Variants in ARHGAP22 observed in about 807,000 individuals in gnomAD.
ARHGAP22 encodes rho GTPase-activating protein 22.
Under a neutral mutation model 59.1 loss-of-function variants are expected in ARHGAP22, and 48 were observed. The ratio of observed to expected loss-of-function variants is 0.81; its 90% CI spans 0.64 to 1.03. The LOEUF is 1.03. Among genes scored for constraint, ARHGAP22 ranks in the 50% least tolerant of loss-of-function variants. The pLI is 0.00. For missense variants in ARHGAP22, 1,015 were observed against 958.7 expected, an observed-to-expected ratio of 1.06 and a Z score of -0.78; for synonymous variants, 445 against 416.4, an observed-to-expected ratio of 1.07 and a Z score of -0.84.
rs574328508 is a variant in ARHGAP22 at position 48,496,295 on chromosome 10, C to T, written c.323-16531G>A. Among the ~76,000 whole-genome samples, 3 of 152,234 alleles carry T rather than the reference C, an allele frequency of 2.0e-5. No homozygotes were observed. The South Asian group carries it at 6.2e-4, about 32-fold the overall frequency. On this transcript the variant is annotated intron_variant, in intron 3 of 9. Transcript: ENST00000249601. ...TGGTGGTATGAGGATATACAATCCT[C>T]ACATCTCTTCCTGTACCAATAAAGA...
chr10:48,431,162 A>G, the ARHGAP22 span: 2 of 1,471,630 alleles, frequency 1.4e-6, no homozygotes, highest in Admixed American at 3.4e-5. Flanking sequence ...TTAGACTTTG[A>G]AAAGTTCATT....
chr10:48,562,572 A>G (rs1016974748), intron 2 of ARHGAP22, among the ~76,000 whole-genome samples: 2 of 152,222 alleles, frequency 1.3e-5, no homozygotes, highest in Non-Finnish European at 1.5e-5. Context: ...TTCCATTTCT[A>G]TAAAAGTGTA....
chr10:48,459,848 C>T lies in ARHGAP22; in HGVS notation c.495G>A (p.Arg165=). The change falls in exon 5 of 10, where the codon CGG becomes CGA. Residue 165 remains arginine, a synonymous_variant. Coordinates refer to ENST00000249601, the MANE Select transcript of ARHGAP22 (RefSeq NM_021226.4). ...GGGGCGCCAGGCGGGGGCCATACTT[C>T]CGCTCGTGGTGGACTGTTTCCTCTA... The part of the protein sequence containing the change: ...QRLEETVHHE[R]KYGPRLAPLL... 3 of 1,613,346 alleles carry T rather than the reference C, an allele frequency of 1.9e-6. No individual in the cohort carries two copies. The highest frequency in any genetic ancestry group is 1.7e-6 in the Non-Finnish European group (2 of 1,180,040).
intron 3 of ARHGAP22, among the ~76,000 whole-genome samples, chr10:48,517,758 G>A (rs373303150): frequency 5.3e-5 from 8 of 152,186 alleles, no homozygotes; most frequent in Non-Finnish European, 1.2e-4. Context: ...GGGACTTCTC[G>A]TGTCCTGTTG....
upstream of ARHGAP22, among the ~76,000 whole-genome samples, chr10:48,608,972 T>C (rs372896686): frequency 6.6e-6 from 1 of 152,332 alleles, no homozygotes; most frequent in South Asian, 2.1e-4. Flanking sequence ...ATATACTGGG[T>C]TGCTGCCATG....
chr10:48,500,268 C>T (rs1479690972), intron 3 of ARHGAP22, among the ~76,000 whole-genome samples: 1 of 152,136 alleles, frequency 6.6e-6, no homozygotes, highest in Non-Finnish European at 1.5e-5. Flanking sequence ...AACTTGACCT[C>T]AGCAGAGCAA....
chr10:48,587,591 T>C (rs10491035), intron 1 of ARHGAP22, among the ~76,000 whole-genome samples: 69,140 of 152,038 alleles, frequency 0.45, 16,970 homozygotes, highest in East Asian at 0.97. Flanking sequence ...CCACTGTCTA[T>C]TCTTGAATTC....
intron 3 of ARHGAP22, among the ~76,000 whole-genome samples, chr10:48,550,615 G>A (rs2056825695): frequency 6.6e-6 from 1 of 152,196 alleles, no homozygotes; most frequent in Non-Finnish European, 1.5e-5. Context: ...GGTTTCAGAT[G>A]GCGAAACCAT....
intron 3 of ARHGAP22, among the ~76,000 whole-genome samples, chr10:48,518,591 G>C (rs765625260): frequency 3.3e-5 from 5 of 152,182 alleles, no homozygotes; most frequent in Non-Finnish European, 7.4e-5. Flanking sequence ...GAGGAGGATG[G>C]GGATGTGGGG....
intron 3 of ARHGAP22, among the ~76,000 whole-genome samples, chr10:48,505,400 A>T (rs1037714457): frequency 3.9e-5 from 6 of 151,958 alleles, no homozygotes; most frequent in African/African-American, 1.5e-4. Flanking sequence ...GCATCGCCCC[A>T]CTCCCATCCC....
rs75703295 is a variant in ARHGAP22, at chr10:48,590,954, C to T, written c.35-7802G>A. On this transcript the variant is annotated intron_variant, in intron 1 of 9. Coordinates refer to ENST00000249601, the MANE Select transcript of ARHGAP22 (RefSeq NM_021226.4). ...GTGAATAATTTCACTTATTTCTCAG[C>T]GCAACCCTGATTTCTCAGATGTTCG... is the stretch of plus-strand genomic sequence containing the variant. Among the ~76,000 whole-genome samples the T allele has an allele frequency of 9.1e-3, 1,383 of 152,284 alleles. 22 individuals carry two copies. The highest frequency in any genetic ancestry group is 0.032 in the African/African-American group (1,329 of 41,546).
At chr10:48,599,226 T>C (rs116350206) in intron 1 of ARHGAP22, among the ~76,000 whole-genome samples, 2,381 of 152,294 alleles carry the variant, frequency 0.016, 53 homozygotes, top group African/African-American at 0.054. Context: ...CCTGCTACCA[T>C]GGACCGAGAA....
intron 1 of ARHGAP22, among the ~76,000 whole-genome samples, chr10:48,611,869 C>A (rs143065346): frequency 5.5e-5 from 1 of 18,092 alleles, no homozygotes; most frequent in African/African-American, 1.8e-4. Context: ...CTCCCCTCCC[C>A]TCCCCTCCCC....
chr10:48,629,553 A>G (rs1425258212), intron 1 of ARHGAP22, among the ~76,000 whole-genome samples: 1 of 152,026 alleles, frequency 6.6e-6, no homozygotes, highest in Non-Finnish European at 1.5e-5. Context: ...CTATTTCTCT[A>G]TTTGATTCCA....
At chr10:48,445,202 T>C (rs2045296384), downstream of ARHGAP22, 2 of 152,266 alleles carry the variant, frequency 1.3e-5, no homozygotes, top group African/African-American at 4.8e-5. Context: ...CATTTATACC[T>C]GACTCTAGAT....
At position 48,553,113 on chromosome 10, in the gene ARHGAP22, T is replaced by A. The variant is rs563906065; in HGVS notation, c.322+2350A>T. Among the ~76,000 whole-genome samples the A allele has an allele frequency of 2.0e-3, 297 of 152,280 alleles. 6 individuals carry two copies. The highest frequency in any genetic ancestry group is 5.3e-4 in the Non-Finnish European group (36 of 68,008). On this transcript the variant is annotated intron_variant, in intron 3 of 9. Coordinates refer to ENST00000249601, the MANE Select transcript of ARHGAP22 (RefSeq NM_021226.4). ...AGCATCCTAAATCCGGAGCCCCCAG[T>A]GGGAGGGGAGCAGAGGGGACCACTC...
chr10:48,611,072 C>A (rs572527704), intron 1 of ARHGAP22, among the ~76,000 whole-genome samples: 19 of 152,222 alleles, frequency 1.2e-4, no homozygotes, highest in Non-Finnish European at 2.1e-4. Flanking sequence ...GGACAACTAT[C>A]TGGGCTGCTC....
chr10:48,533,528 G>GT (rs1187314890), intron 3 of ARHGAP22, among the ~76,000 whole-genome samples: 1 of 152,130 alleles, frequency 6.6e-6, no homozygotes, highest in East Asian at 1.9e-4. Context: ...TTTATTCTAA[G>GT]TCTTCTCAAT....
chr10:48,486,333 T>TTTA (rs201245098), intron 3 of ARHGAP22, among the ~76,000 whole-genome samples: 2,174 of 151,178 alleles, frequency 0.014, 22 homozygotes, highest in Middle Eastern at 0.021. Context: ...ATTTTATTAT[T>TTTA]TTATTATTAT....
Sources: gnomAD v4.1 joint callset for allele counts (sites outside exome capture counted in the v4.1 genomes callset) on GRCh38, gnomAD v4.1.1 for gene constraint, MANE v1.5 for transcripts, NCBI Gene and HGNC (gene_info 2026-07-23, HGNC 2026-07-21) for gene names.